SPATA6: variants seen among roughly 807,000 people sequenced by gnomAD.
SPATA6 encodes spermatogenesis associated 6, also known as spermatogenesis-associated protein 6.
A neutral mutation model predicts 65.3 loss-of-function variants in SPATA6; 56 were observed. The observed-to-expected ratio is 0.86, with a 90% CI of 0.69 to 1.07. SPATA6 has a LOEUF of 1.07. SPATA6 is among the 50% of genes least tolerant of loss of function. SPATA6 has a pLI of 0.00. For synonymous variants in SPATA6, 199 were observed against 213.2 expected (o/e 0.93, Z 0.58); for missense variants, 590 against 594.8 (o/e 0.99, Z 0.08).
At chr1:48,273,023 T>C in the SPATA6 span, among the ~76,000 whole-genome samples, 1 of 152,216 alleles carries the variant, frequency 6.6e-6, no homozygotes, top group African/African-American at 2.4e-5. Context: ...TAACCCCTTA[T>C]TGAATATACG....
intron 9 of SPATA6, among the ~76,000 whole-genome samples, chr1:48,372,731 T>C (rs1409819271): frequency 6.6e-6 from 1 of 152,244 alleles, no homozygotes; most frequent in East Asian, 1.9e-4. Context: ...TCCATACATC[T>C]TCTGAAAACT....
chr1:48,406,202 G>A (rs1651689842), intron 5 of SPATA6, among the ~76,000 whole-genome samples: 1 of 152,016 alleles, frequency 6.6e-6, no homozygotes, highest in Admixed American at 6.6e-5. Context: ...ACTCCAGCCT[G>A]GGTGACAAAG....
chr1:48,333,996 G>T (rs1236280908), intron 11 of SPATA6, among the ~76,000 whole-genome samples: 1 of 152,094 alleles, frequency 6.6e-6, no homozygotes, highest in Non-Finnish European at 1.5e-5. Flanking sequence ...AGATTACTAT[G>T]AACACCTCTA....
intron 11 of SPATA6, among the ~76,000 whole-genome samples, chr1:48,352,575 A>G (rs749357693): frequency 1.5e-4 from 23 of 152,084 alleles, no homozygotes; most frequent in Non-Finnish European, 3.2e-4. Context: ...GGCATAAGAT[A>G]CATATGAGAC....
chr1:48,287,506 T>A, the SPATA6 span, among the ~76,000 whole-genome samples: 220 of 152,340 alleles, frequency 1.4e-3, no homozygotes, highest in Middle Eastern at 3.4e-3. Context: ...TGGGGGCATA[T>A]CCTTCATGAA....
chr1:48,357,184 G>A (rs1192778992), intron 10 of SPATA6, among the ~76,000 whole-genome samples: 35 of 152,036 alleles, frequency 2.3e-4, no homozygotes. Context: ...TCCTTTTTCA[G>A]TAGATTTGCT....
the SPATA6 span, among the ~76,000 whole-genome samples, chr1:48,267,191 C>T: frequency 6.6e-6 from 1 of 152,054 alleles, no homozygotes; most frequent in Non-Finnish European, 1.5e-5. Flanking sequence ...TGCTCATATC[C>T]CTAGGGTGTG....
chr1:48,457,998 C>T (rs1237268136), intron 1 of SPATA6, among the ~76,000 whole-genome samples: 1 of 149,032 alleles, frequency 6.7e-6, no homozygotes, highest in Non-Finnish European at 1.5e-5. Flanking sequence ...GAGAATAGAA[C>T]AAAATAGAAG....
intron 11 of SPATA6, among the ~76,000 whole-genome samples, chr1:48,317,534 G>A (rs879820310): frequency 7.9e-5 from 12 of 152,046 alleles, no homozygotes; most frequent in Admixed American, 3.3e-4. Flanking sequence ...TTGTGGGGTG[G>A]GGGGAGAGGG....
At chr1:48,443,521 G>C (rs1655719576) in intron 3 of SPATA6, among the ~76,000 whole-genome samples, 1 of 152,158 alleles carries the variant, frequency 6.6e-6, no homozygotes, top group Admixed American at 6.5e-5. Flanking sequence ...AATCTATCCA[G>C]TAAGGATACA....
At position 48,399,345 on chromosome 1, in the gene SPATA6, A is replaced by C; in HGVS notation, c.780+6T>G. 6.2e-7 allele frequency: 1 copy of C among 1,608,280 alleles called. No homozygotes were observed. The highest frequency in any genetic ancestry group is 1.1e-5 in the South Asian group (1 of 90,108). On this transcript the variant is annotated splice_donor_region_variant and intron_variant, in intron 7 of 12. Transcript: ENST00000371847. ...TTCAAATAGAAATGCTTAAGAGAAC[A>C]CATACATGTCTAATCACAAATGGAG...
chr1:48,293,053 C>G (rs1644778705), downstream of SPATA6, among the ~76,000 whole-genome samples: 1 of 152,210 alleles, frequency 6.6e-6, no homozygotes, highest in Non-Finnish European at 1.5e-5. Context: ...CTGGGGTCAT[C>G]TGAAGACCAG....
In SPATA6 at chr1:48,298,797, G is replaced by C; in HGVS notation, c.1383C>G (p.Ile461Met). 1 of 1,614,034 alleles carries C rather than the reference G, an allele frequency of 6.2e-7. No homozygotes were observed. The highest frequency in any genetic ancestry group is 1.3e-5 in the African/African-American group (1 of 75,044). Reference sequence around the variant, plus strand: ...ACATCTTGTCCATGCTGTTCTCAAAGATGGGTCGGTGGGATTTTCCCTTAT... The same window carrying C: ...ACATCTTGTCCATGCTGTTCTCAAACATGGGTCGGTGGGATTTTCCCTTAT... ...ASYKGKSHRP[I>M]FENSMDKMYR... The change falls in exon 13 of 13, where the codon ATC becomes ATG. Residue 461 changes from isoleucine to methionine, a missense_variant. Transcript: ENST00000371847.
chr1:48,326,780 C>A (rs1557567286), intron 11 of SPATA6, among the ~76,000 whole-genome samples: 1 of 152,178 alleles, frequency 6.6e-6, no homozygotes, highest in East Asian at 1.9e-4. Flanking sequence ...ATGAATAGCG[C>A]TGGGAGAATT....
the SPATA6 span, among the ~76,000 whole-genome samples, chr1:48,278,631 G>A: frequency 6.6e-6 from 1 of 152,022 alleles, no homozygotes; most frequent in Admixed American, 6.6e-5. Context: ...AAGTTTAGAG[G>A]AAAAAGAACA....
At chr1:48,329,801 T>A (rs1645863952) in intron 11 of SPATA6, among the ~76,000 whole-genome samples, 2 of 152,200 alleles carry the variant, frequency 1.3e-5, no homozygotes, top group South Asian at 4.1e-4. Flanking sequence ...CCTCCAACAC[T>A]GGAAAGGGTG....
At chr1:48,337,551 G>A (rs1646093598) in intron 11 of SPATA6, among the ~76,000 whole-genome samples, 1 of 151,676 alleles carries the variant, frequency 6.6e-6, no homozygotes, top group Non-Finnish European at 1.5e-5. Context: ...AATGCATAAA[G>A]ATTAAAGTGG....
At chr1:48,363,187 G>A (rs573595651) in intron 9 of SPATA6, among the ~76,000 whole-genome samples, 237 of 152,152 alleles carry the variant, frequency 1.6e-3, no homozygotes, top group Middle Eastern at 0.01. Context: ...GAGGTAAAAC[G>A]AAAGGGTACG....
the SPATA6 span, among the ~76,000 whole-genome samples, chr1:48,270,304 C>G: frequency 6.6e-6 from 1 of 152,110 alleles, no homozygotes; most frequent in Non-Finnish European, 1.5e-5. Flanking sequence ...GTTTTTAGTG[C>G]TCAGATGTTG....
Sources: allele counts gnomAD v4.1 joint callset (sites outside exome capture counted in the v4.1 genomes callset), GRCh38; gene constraint gnomAD v4.1.1; transcripts MANE v1.5; gene names NCBI Gene and HGNC (gene_info 2026-07-23, HGNC 2026-07-21).